ENAH: variants seen among roughly 807,000 people sequenced by gnomAD.
The protein encoded by ENAH is ENAH actin regulator.
Under a neutral mutation model 78.7 loss-of-function variants are expected in ENAH, and 23 were observed. The observed-to-expected ratio is 0.29, with a 90% CI of 0.21 to 0.41. ENAH has a LOEUF of 0.41. Among genes scored for constraint, ENAH ranks in the 10% least tolerant of loss-of-function variants. ENAH has a pLI of 1.00. For missense variants in ENAH, 544 were observed against 691.0 expected, an observed-to-expected ratio of 0.79 and a Z score of 2.39; for synonymous variants, 226 against 241.0, an observed-to-expected ratio of 0.94 and a Z score of 0.58.
intron 1 of ENAH, among the ~76,000 whole-genome samples, chr1:225,638,180 T>A (rs993969125): frequency 2.6e-5 from 4 of 152,116 alleles, no homozygotes; most frequent in Non-Finnish European, 4.4e-5. Context: ...CTGAAGTCAA[T>A]GCTGATTCTA....
intron 1 of ENAH, among the ~76,000 whole-genome samples, chr1:225,634,020 T>C (rs1659599564): frequency 6.6e-6 from 1 of 152,250 alleles, no homozygotes; most frequent in Admixed American, 6.5e-5. Flanking sequence ...GTACCTCAAC[T>C]TCTTTAAAAG....
At position 225,491,680 on chromosome 1, in the gene ENAH, G is replaced by C. The variant is rs142805503; in HGVS notation, c.*6095C>G. The C allele has an allele frequency of 1.6e-3, 243 of 152,186 alleles. 2 individuals carry two copies. The highest frequency in any genetic ancestry group is 5.7e-3 in the African/African-American group (236 of 41,530). 9.4% of individuals were successfully genotyped at this position (152,186 alleles called of 1,614,324 possible). The stretch of plus-strand genomic sequence containing the variant: ...TCTATAGACTTGGATGGAAACTTTT[G>C]GACTTGATGGGAAAATTAACTCTCA... On this transcript the variant is annotated 3_prime_UTR_variant, in exon 14 of 14. Transcript: ENST00000366843.
intron 11 of ENAH, among the ~76,000 whole-genome samples, chr1:225,507,567 G>T (rs1330050009): frequency 1.3e-5 from 2 of 152,124 alleles, no homozygotes; most frequent in African/African-American, 4.8e-5. Context: ...GGAAAAAAGT[G>T]TGGATAGGTA....
intron 1 of ENAH, among the ~76,000 whole-genome samples, chr1:225,597,448 C>T (rs1256178951): frequency 6.6e-6 from 1 of 151,806 alleles, no homozygotes; most frequent in Non-Finnish European, 1.5e-5. Context: ...TCTCTTGGGC[C>T]CAGGAGTTCA....
At chr1:225,579,456 A>G (rs2096803908) in intron 1 of ENAH, among the ~76,000 whole-genome samples, 1 of 152,218 alleles carries the variant, frequency 6.6e-6, no homozygotes, top group African/African-American at 2.4e-5. Context: ...TTAAGGCAGT[A>G]GGAAGAAACT....
chr1:225,652,216 G>T, intron 1 of ENAH: 2 of 542,984 alleles, frequency 3.7e-6, no homozygotes, highest in Non-Finnish European at 4.7e-6. Context: ...TTTATTACCC[G>T]CAGAGATTTC....
chr1:225,504,992 T>C, intron 11 of ENAH: 1 of 1,610,610 alleles, frequency 6.2e-7, no homozygotes, highest in Non-Finnish European at 8.5e-7. Flanking sequence ...GGATGATACC[T>C]GTGTAATGAA....
chr1:225,536,292 A>C (rs925942719), intron 3 of ENAH, among the ~76,000 whole-genome samples: 1 of 152,102 alleles, frequency 6.6e-6, no homozygotes, highest in Non-Finnish European at 1.5e-5. Flanking sequence ...TCTCTTTAGG[A>C]GAAAAAACTC....
chr1:225,629,933 A>G lies in ENAH; in HGVS notation c.5+22753T>C, dbSNP rs563179016. On this transcript the variant is annotated intron_variant, in intron 1 of 13. Transcript: ENST00000366843. ...ATTAAAATTCTCTAACAGCAAGTGTACCTTCCTATTTACATTAAATGACCA... is the reference window on the plus strand; with the variant it reads ...ATTAAAATTCTCTAACAGCAAGTGTGCCTTCCTATTTACATTAAATGACCA... Among the ~76,000 whole-genome samples the G allele has an allele frequency of 2.0e-5, 3 of 152,310 alleles. No individual in the cohort carries two copies. In the East Asian group the frequency reaches 5.8e-4, roughly 29 times the overall value.
At chr1:225,516,214 A>G (rs1345824454) in intron 6 of ENAH, among the ~76,000 whole-genome samples, 1 of 152,140 alleles carries the variant, frequency 6.6e-6, no homozygotes, top group Non-Finnish European at 1.5e-5. Flanking sequence ...ACTACAGAGG[A>G]TGCTATTCTC....
intron 1 of ENAH, among the ~76,000 whole-genome samples, chr1:225,615,870 G>A (rs565315385): frequency 4.4e-4 from 66 of 148,636 alleles, no homozygotes; most frequent in African/African-American, 6.6e-4. Flanking sequence ...TGACGATGGC[G>A]GTTTTGTCGA....
chr1:225,568,287 T>C (rs751806478), intron 1 of ENAH, among the ~76,000 whole-genome samples: 6 of 152,094 alleles, frequency 3.9e-5, no homozygotes, highest in Non-Finnish European at 8.8e-5. Context: ...CCCCAGCACT[T>C]TGGGAAGCCA....
chr1:225,517,911 T>G lies in ENAH; in HGVS notation c.803-605A>C, dbSNP rs190300825. ...GAGCTGAGATGACTTTAGCGTATGA[T>G]GGAGGAGGTGCTGAAGGAGGCTGGC... On this transcript the variant is annotated intron_variant, in intron 5 of 13. Coordinates refer to ENST00000366843, the MANE Select transcript of ENAH (RefSeq NM_018212.6). 1.4e-4 allele frequency: 212 copies of G among 1,550,798 alleles called. 1 individual carries two copies. Among genetic ancestry groups the G allele is most frequent in the Non-Finnish European group, 1.3e-4 (148 of 1,146,994 alleles).
chr1:225,638,999 G>A (rs1660549709), intron 1 of ENAH, among the ~76,000 whole-genome samples: 1 of 152,182 alleles, frequency 6.6e-6, no homozygotes, highest in Non-Finnish European at 1.5e-5. Context: ...TAGCCTCTAT[G>A]TCAGGCCATT....
At chr1:225,594,860 C>A (rs1317011228) in intron 1 of ENAH, among the ~76,000 whole-genome samples, 7 of 152,160 alleles carry the variant, frequency 4.6e-5, no homozygotes. Context: ...TTGCTAAGAG[C>A]ATAATCAATG....
chr1:225,536,504 A>G (rs1255822873), intron 3 of ENAH, among the ~76,000 whole-genome samples: 3 of 152,056 alleles, frequency 2.0e-5, no homozygotes, highest in Non-Finnish European at 4.4e-5. Context: ...TTCCGTTGGT[A>G]TTAACCAAGA....
intron 2 of ENAH, among the ~76,000 whole-genome samples, chr1:225,560,764 C>T (rs2096699259): frequency 1.3e-5 from 2 of 152,118 alleles, no homozygotes; most frequent in South Asian, 4.2e-4. Flanking sequence ...ATTAGAAGAC[C>T]CATTTTAAGG....
intron 2 of ENAH, among the ~76,000 whole-genome samples, chr1:225,555,453 G>C (rs1180605239): frequency 6.6e-6 from 1 of 151,952 alleles, no homozygotes; most frequent in East Asian, 1.9e-4. Context: ...GCAGTGGCGG[G>C]TGCCTGTAGT....
chr1:225,516,086 C>G (rs960681045), intron 6 of ENAH, among the ~76,000 whole-genome samples: 1 of 152,124 alleles, frequency 6.6e-6, no homozygotes, highest in Non-Finnish European at 1.5e-5. Context: ...CTAGGGTTGC[C>G]AAGCATCTTC....
Sources: gnomAD v4.1 joint callset for allele counts (sites outside exome capture counted in the v4.1 genomes callset) on GRCh38, gnomAD v4.1.1 for gene constraint, MANE v1.5 for transcripts, NCBI Gene and HGNC (gene_info 2026-07-23, HGNC 2026-07-21) for gene names.